The following MACROD2 variants were observed in gnomAD, a reference collection of about 807,000 sequenced individuals.
MACROD2 encodes ADP-ribose glycohydrolase MACROD2.
A neutral mutation model predicts 70.4 loss-of-function variants in MACROD2; 36 were observed. The observed-to-expected ratio is 0.51, with a 90% CI of 0.39 to 0.68. The LOEUF is 0.68. Ranked by LOEUF, MACROD2 falls within the 30% of genes least tolerant of loss-of-function variation. The probability of loss-of-function intolerance (pLI) is 0.00; values close to 1 mark genes in which losing one functional copy is unlikely to be tolerated. For missense variants in MACROD2, 496 were observed against 538.4 expected (o/e 0.92, Z 0.78); for synonymous variants, 172 against 178.8 (o/e 0.96, Z 0.30).
chr20:15,732,035 T>C (rs2050951516), intron 8 of MACROD2, among the ~76,000 whole-genome samples: 1 of 144,770 alleles, frequency 6.9e-6, no homozygotes, highest in Non-Finnish European at 1.5e-5. Context: ...GGATTACAGG[T>C]GTAAGCCACA....
chr20:15,624,740 T>C (rs1297902649), intron 8 of MACROD2, among the ~76,000 whole-genome samples: 2 of 152,222 alleles, frequency 1.3e-5, no homozygotes, highest in East Asian at 3.9e-4. Flanking sequence ...ATTTTCTCTC[T>C]GGCCCTTTAC....
chr20:14,121,692 G>A (rs956686587), intron 3 of MACROD2, among the ~76,000 whole-genome samples: 4 of 151,946 alleles, frequency 2.6e-5, no homozygotes, highest in Non-Finnish European at 5.9e-5. Flanking sequence ...GAGTATTTTT[G>A]GTTTGTTGGT....
At chr20:14,594,632 G>A (rs919505517) in intron 4 of MACROD2, among the ~76,000 whole-genome samples, 2 of 152,200 alleles carry the variant, frequency 1.3e-5, no homozygotes, top group South Asian at 2.1e-4. Context: ...GGTGGCTCAC[G>A]CCTGTAATCC....
intron 3 of MACROD2, among the ~76,000 whole-genome samples, chr20:14,272,371 A>C (rs561108521): frequency 6.6e-6 from 1 of 152,256 alleles, no homozygotes; most frequent in South Asian, 2.1e-4. Context: ...TTTTCAACCC[A>C]GAATTTCATA....
intron 3 of MACROD2, among the ~76,000 whole-genome samples, chr20:14,150,579 AT>A (rs1267069448): frequency 6.6e-6 from 1 of 152,182 alleles, no homozygotes; most frequent in Non-Finnish European, 1.5e-5. Context: ...GGAAGAAGGG[AT>A]TGATTATCTC....
chr20:15,224,338 C>T (rs1000319860), intron 5 of MACROD2, among the ~76,000 whole-genome samples: 1 of 152,198 alleles, frequency 6.6e-6, no homozygotes, highest in African/African-American at 2.4e-5. Flanking sequence ...TAATGAGATT[C>T]ATGACAAACA....
At chr20:15,133,104 A>G (rs1176783264) in intron 5 of MACROD2, among the ~76,000 whole-genome samples, 1 of 152,112 alleles carries the variant, frequency 6.6e-6, no homozygotes, top group Non-Finnish European at 1.5e-5. Context: ...TTGTTCTTCA[A>G]AAGTTTTGCT....
intron 4 of MACROD2, among the ~76,000 whole-genome samples, chr20:14,639,527 TG>T (rs1379129225): frequency 6.6e-6 from 1 of 152,180 alleles, no homozygotes; most frequent in Non-Finnish European, 1.5e-5. Flanking sequence ...ACCCTGTCTG[TG>T]GCCAGACAGG....
intron 9 of MACROD2, among the ~76,000 whole-genome samples, chr20:15,877,856 C>G (rs140788628): frequency 6.6e-6 from 1 of 152,090 alleles, no homozygotes; most frequent in Non-Finnish European, 1.5e-5. Flanking sequence ...AAAACCACAG[C>G]AGGATTATCG....
intron 5 of MACROD2, among the ~76,000 whole-genome samples, chr20:15,086,662 A>G (rs556119779): frequency 3.7e-4 from 57 of 152,306 alleles, no homozygotes; most frequent in African/African-American, 1.3e-3. Context: ...TTAATTTAAA[A>G]CAAACACATG....
intron 8 of MACROD2, among the ~76,000 whole-genome samples, chr20:15,810,651 G>A (rs1457171732): frequency 6.6e-6 from 1 of 152,130 alleles, no homozygotes; most frequent in African/African-American, 2.4e-5. Flanking sequence ...CCAAAAGAAC[G>A]AAGCTGGAGG....
At chr20:15,820,922 G>A (rs973032563) in intron 8 of MACROD2, among the ~76,000 whole-genome samples, 2 of 152,156 alleles carry the variant, frequency 1.3e-5, no homozygotes, top group African/African-American at 4.8e-5. Flanking sequence ...ACCTAAATAT[G>A]TTGTACTCAG....
chr20:14,636,162 A>G (rs961263554), intron 4 of MACROD2, among the ~76,000 whole-genome samples: 1 of 152,176 alleles, frequency 6.6e-6, no homozygotes, highest in Admixed American at 6.5e-5. Context: ...ATGAAAATGG[A>G]TCATTTTAAT....
In MACROD2 at chr20:14,529,918, G is replaced by T. The variant is rs193120218; in HGVS notation, c.301+36410G>T. On this transcript the variant is annotated intron_variant, in intron 4 of 17. Transcript: ENST00000684519. ...ATAGTGTTTTCTTTCCCATGTTTTA[G>T]GTTGGGTTGCCTCAGAAGCAGAACC... Among the ~76,000 whole-genome samples the T allele has an allele frequency of 6.6e-5, 10 of 152,268 alleles. No individual in the cohort carries two copies. The East Asian group carries it at 1.7e-3, about 26-fold the overall frequency.
At chr20:15,652,377 C>CT (rs1238703172) in intron 8 of MACROD2, among the ~76,000 whole-genome samples, 1 of 152,158 alleles carries the variant, frequency 6.6e-6, no homozygotes, top group Non-Finnish European at 1.5e-5. Flanking sequence ...TTCTTTTCAT[C>CT]TTTCACACTA....
intron 5 of MACROD2, among the ~76,000 whole-genome samples, chr20:15,150,086 T>C (rs1375328427): frequency 6.6e-6 from 1 of 152,024 alleles, no homozygotes; most frequent in Non-Finnish European, 1.5e-5. Context: ...AGTTGGACAC[T>C]ATCGGCAGGG....
intron 5 of MACROD2, among the ~76,000 whole-genome samples, chr20:14,986,130 T>A (rs1600911108): frequency 6.6e-6 from 1 of 152,200 alleles, no homozygotes; most frequent in Non-Finnish European, 1.5e-5. Context: ...TCCTGGGCCA[T>A]TGAAGACATG....
intron 3 of MACROD2, among the ~76,000 whole-genome samples, chr20:14,226,474 G>T (rs1289436980): frequency 6.6e-6 from 1 of 152,194 alleles, no homozygotes; most frequent in Non-Finnish European, 1.5e-5. Context: ...GGCCAAGACT[G>T]GAGCCGGCTC....
intron 8 of MACROD2, among the ~76,000 whole-genome samples, chr20:15,606,240 T>C (rs368971755): frequency 1.3e-5 from 2 of 152,148 alleles, no homozygotes; most frequent in East Asian, 1.9e-4. Flanking sequence ...GCAGAACATA[T>C]AAGAATTTGG....
Sources: allele counts gnomAD v4.1 joint callset (sites outside exome capture counted in the v4.1 genomes callset), GRCh38; gene constraint gnomAD v4.1.1; transcripts MANE v1.5; gene names NCBI Gene and HGNC (gene_info 2026-07-23, HGNC 2026-07-21).